The following GPC6 variants were observed in gnomAD, a reference collection of about 807,000 sequenced individuals.
GPC6 encodes glypican 6, also known as glypican-6.
GPC6 carries 14 observed loss-of-function variants against 55.2 expected under a neutral mutation model. The ratio of observed to expected loss-of-function variants is 0.25; its 90% CI spans 0.17 to 0.40. The LOEUF is 0.40. Among genes scored for constraint, GPC6 ranks in the 10% least tolerant of loss-of-function variants. The probability of loss-of-function intolerance (pLI) is 1.00; values close to 1 mark genes in which losing one functional copy is unlikely to be tolerated. For synonymous variants in GPC6, 278 were observed against 259.6 expected (o/e 1.07, Z -0.68); for missense variants, 641 against 708.5 (o/e 0.90, Z 1.08).
At chr13:93,457,764 A>C (rs966929289) in intron 1 of GPC6, among the ~76,000 whole-genome samples, 1 of 152,252 alleles carries the variant, frequency 6.6e-6, no homozygotes, top group Non-Finnish European at 1.5e-5. Context: ...CTATGTGACA[A>C]GAAAGAGGAG....
intron 3 of GPC6, among the ~76,000 whole-genome samples, chr13:93,865,495 A>T (rs1888936333): frequency 6.6e-6 from 1 of 151,656 alleles, no homozygotes; most frequent in African/African-American, 2.4e-5. Context: ...CTCACTGTGG[A>T]TCTGATGGAA....
intron 1 of GPC6, among the ~76,000 whole-genome samples, chr13:93,406,856 T>C (rs1876310806): frequency 6.6e-6 from 1 of 152,058 alleles, no homozygotes; most frequent in South Asian, 2.1e-4. Context: ...TAACCTGAAA[T>C]ATTTAAAAAG....
chr13:93,579,614 T>C (rs1566433585), intron 2 of GPC6, among the ~76,000 whole-genome samples: 1 of 152,148 alleles, frequency 6.6e-6, no homozygotes, highest in Non-Finnish European at 1.5e-5. Context: ...TACAGGGCTT[T>C]CTGTGATTTG....
intron 3 of GPC6, among the ~76,000 whole-genome samples, chr13:93,909,191 C>T (rs543842533): frequency 2.8e-4 from 43 of 152,188 alleles, no homozygotes; most frequent in Middle Eastern, 3.4e-3. Flanking sequence ...TATACAGGTA[C>T]GGACAACTTC....
intron 1 of GPC6, among the ~76,000 whole-genome samples, chr13:93,262,673 G>A (rs1877190807): frequency 6.6e-6 from 1 of 152,174 alleles, no homozygotes; most frequent in Non-Finnish European, 1.5e-5. Context: ...ATCTGGAAAT[G>A]TATTCCATTT....
chr13:93,925,242 G>C (rs1480729924), intron 3 of GPC6, among the ~76,000 whole-genome samples: 1 of 152,126 alleles, frequency 6.6e-6, no homozygotes, highest in Non-Finnish European at 1.5e-5. Flanking sequence ...AATTCAAATA[G>C]AGGTCAGAGG....
intron 2 of GPC6, among the ~76,000 whole-genome samples, chr13:93,713,158 C>T (rs1883131854): frequency 6.6e-6 from 1 of 151,204 alleles, no homozygotes; most frequent in Non-Finnish European, 1.5e-5. Context: ...ACATTTTATC[C>T]AAAATATAGG....
rs144118481 is a variant in GPC6 at position 93,375,380 on chromosome 13, C to A, written c.160+147764C>A. Among the ~76,000 whole-genome samples the A allele has an allele frequency of 3.2e-3, 483 of 152,286 alleles. 1 individual carries two copies. The highest frequency in any genetic ancestry group is 0.017 in the Middle Eastern group (5 of 294). ...ACTTGTATTTTCCAATCTGCAGAAGCAGAATTTCTTTTAACCTCAGCTTTA... is the reference window on the plus strand; with the variant it reads ...ACTTGTATTTTCCAATCTGCAGAAGAAGAATTTCTTTTAACCTCAGCTTTA... On this transcript the variant is annotated intron_variant, in intron 1 of 8. Transcript: ENST00000377047.
At chr13:93,466,774 T>C (rs1348652) in intron 1 of GPC6, among the ~76,000 whole-genome samples, 27,682 of 152,092 alleles carry the variant, frequency 0.18, 3,036 homozygotes, top group East Asian at 0.47. Context: ...GGCTCAAAGC[T>C]ATGCTTTTAT....
intron 2 of GPC6, among the ~76,000 whole-genome samples, chr13:93,702,364 G>A (rs774195430): frequency 6.6e-6 from 1 of 151,942 alleles, no homozygotes; most frequent in African/African-American, 2.4e-5. Flanking sequence ...AAACAGAAGT[G>A]CTGACATCTG....
chr13:94,296,295 G>A (rs1875331543), intron 5 of GPC6, among the ~76,000 whole-genome samples: 1 of 152,096 alleles, frequency 6.6e-6, no homozygotes, highest in African/African-American at 2.4e-5. Flanking sequence ...CTGAAGATTT[G>A]CTTTCACTTT....
Position 93,742,220 on chromosome 13 carries a change from G to A in GPC6, c.320-87934G>A, listed in dbSNP as rs185785246. Among the ~76,000 whole-genome samples the A allele has an allele frequency of 2.9e-3, 435 of 152,210 alleles. 2 individuals carry two copies. Among genetic ancestry groups the A allele is most frequent in the Non-Finnish European group, 5.2e-3 (357 of 68,004 alleles). On this transcript the variant is annotated intron_variant, in intron 2 of 8. Coordinates refer to ENST00000377047, the MANE Select transcript of GPC6 (RefSeq NM_005708.5). ...GAACATTTCAAAGTAGGAACAAGAT[G>A]GAAATATGATTCCATGTAAAGTGTG...
At chr13:93,828,993 C>A (rs1309525545) in intron 2 of GPC6, among the ~76,000 whole-genome samples, 1 of 152,064 alleles carries the variant, frequency 6.6e-6, no homozygotes, top group Admixed American at 6.6e-5. Flanking sequence ...ATACCCAGAA[C>A]CCCAGAAAGG....
At chr13:94,186,966 C>T (rs942523368) in intron 4 of GPC6, 1 of 152,226 alleles carries the variant, frequency 6.6e-6, no homozygotes, top group Admixed American at 6.5e-5. Context: ...TCCAGTGTGA[C>T]CCAGTTGTAT....
At chr13:93,223,063 T>C (rs1182682642), upstream of GPC6, among the ~76,000 whole-genome samples, 1 of 132,556 alleles carries the variant, frequency 7.5e-6, no homozygotes, top group African/African-American at 2.8e-5. Context: ...TAAATCACAT[T>C]GGCTAGAAAT....
intron 1 of GPC6, among the ~76,000 whole-genome samples, chr13:93,255,044 T>A (rs1876908168): frequency 6.6e-6 from 1 of 152,226 alleles, no homozygotes. Flanking sequence ...GCCTCGCCAG[T>A]TCTGTGCTGC....
chr13:93,273,740 G>A (rs1877629662), intron 1 of GPC6, among the ~76,000 whole-genome samples: 2 of 152,162 alleles, frequency 1.3e-5, no homozygotes, highest in South Asian at 4.1e-4. Context: ...TGATGTTGTG[G>A]ATTTCTGTGC....
intron 1 of GPC6, among the ~76,000 whole-genome samples, chr13:93,389,578 A>G (rs1423165271): frequency 6.6e-6 from 1 of 151,844 alleles, no homozygotes; most frequent in East Asian, 1.9e-4. Context: ...GTATGTATGT[A>G]TATATGTATA....
At chr13:94,366,414 G>A (rs1254239670) in intron 6 of GPC6, among the ~76,000 whole-genome samples, 1 of 152,100 alleles carries the variant, frequency 6.6e-6, no homozygotes, top group African/African-American at 2.4e-5. Context: ...AAATATGGGG[G>A]AAATTTGCCT....
Sources: gnomAD v4.1 joint callset for allele counts (sites outside exome capture counted in the v4.1 genomes callset) on GRCh38, gnomAD v4.1.1 for gene constraint, MANE v1.5 for transcripts, NCBI Gene and HGNC (gene_info 2026-07-23, HGNC 2026-07-21) for gene names.